The following EPC2 variants were observed in gnomAD, a reference collection of about 807,000 sequenced individuals.
EPC2 encodes the protein enhancer of polycomb homolog 2.
EPC2 carries 14 observed loss-of-function variants against 92.1 expected under a neutral mutation model. The observed-to-expected ratio is 0.15, with a 90% CI of 0.10 to 0.24. The LOEUF is 0.24. Ranked by LOEUF, EPC2 falls within the 10% of genes least tolerant of loss-of-function variation. The probability of loss-of-function intolerance (pLI) is 1.00; values close to 1 mark genes in which losing one functional copy is unlikely to be tolerated. For synonymous variants in EPC2, 340 were observed against 334.7 expected, an observed-to-expected ratio of 1.02 and a Z score of -0.17; for missense variants, 755 against 971.5, an observed-to-expected ratio of 0.78 and a Z score of 2.96.
chr2:148,756,799 T>A (rs1683198970), intron 4 of EPC2, among the ~76,000 whole-genome samples: 1 of 152,234 alleles, frequency 6.6e-6, no homozygotes. Flanking sequence ...GCGTAGTGGT[T>A]GTCAGTTCTA....
At chr2:148,772,027 G>A (rs1683532873) in intron 10 of EPC2, among the ~76,000 whole-genome samples, 1 of 152,072 alleles carries the variant, frequency 6.6e-6, no homozygotes, top group Non-Finnish European at 1.5e-5. Context: ...TCGAAATCCT[G>A]ACCTCAGGTG....
intron 10 of EPC2, 147 bp downstream of exon 10, chr2:148,771,534 G>T (rs1012238291): frequency 8.4e-6 from 6 of 712,386 alleles, no homozygotes; most frequent in Non-Finnish European, 1.4e-5. Flanking sequence ...TAACCAAATT[G>T]TCCTAACTAG....
At chr2:148,660,178 A>C (rs1378179348) in intron 1 of EPC2, among the ~76,000 whole-genome samples, 1 of 152,144 alleles carries the variant, frequency 6.6e-6, no homozygotes, top group African/African-American at 2.4e-5. Context: ...TTGTATGTGA[A>C]TAGGTCTATG....
At chr2:148,747,955 T>C (rs1200164490) in intron 3 of EPC2, among the ~76,000 whole-genome samples, 5 of 152,204 alleles carry the variant, frequency 3.3e-5, no homozygotes, top group Non-Finnish European at 7.4e-5. Context: ...CTCTCTGATA[T>C]GGTTTGGATT....
intron 3 of EPC2, among the ~76,000 whole-genome samples, chr2:148,748,406 T>C (rs1683027351): frequency 6.6e-6 from 1 of 152,098 alleles, no homozygotes; most frequent in Non-Finnish European, 1.5e-5. Flanking sequence ...ATTAATGATA[T>C]CATTTTCATC....
At chr2:148,757,417 T>C (rs1426733122) in intron 4 of EPC2, among the ~76,000 whole-genome samples, 1 of 152,132 alleles carries the variant, frequency 6.6e-6, no homozygotes, top group Non-Finnish European at 1.5e-5. Flanking sequence ...GAAATAGATA[T>C]AGATCTGTGC....
intron 1 of EPC2, among the ~76,000 whole-genome samples, chr2:148,667,916 G>A (rs1288107111): frequency 6.6e-6 from 1 of 152,068 alleles, no homozygotes; most frequent in African/African-American, 2.4e-5. Context: ...GTTGTTTTGA[G>A]ACGGAGTCTC....
intron 1 of EPC2, among the ~76,000 whole-genome samples, chr2:148,656,302 T>A (rs973551471): frequency 2.0e-5 from 3 of 152,156 alleles, no homozygotes; most frequent in African/African-American, 4.8e-5. Context: ...GGCAGTTTGG[T>A]TGTCAGCAAA....
In EPC2 at chr2:148,700,243, A is replaced by AT. The variant is rs1330980340; in HGVS notation, c.313+9877dup. On this transcript the variant is annotated intron_variant, in intron 2 of 13. Transcript: ENST00000258484. The stretch of plus-strand genomic sequence containing the variant: ...AATTTTAATGAAGTCCAGCTTAACA[A>AT]TTTTTTTACTTTCATGAATTATGTG... Among the ~76,000 whole-genome samples the AT allele has an allele frequency of 7.2e-5, 11 of 152,116 alleles. No homozygotes were observed. In the East Asian group the frequency reaches 1.2e-3, roughly 16 times the overall value.
chr2:148,670,329 C>T lies in EPC2; in HGVS notation c.154-19885C>T, dbSNP rs184291137. 2.1e-4 allele frequency among the ~76,000 whole-genome samples: 32 copies of T among 151,676 alleles called. 1 individual carries two copies. Among genetic ancestry groups the T allele is most frequent in the Non-Finnish European group, 4.1e-4 (28 of 67,920 alleles). On this transcript the variant is annotated intron_variant, in intron 1 of 13. Coordinates refer to ENST00000258484, the MANE Select transcript of EPC2 (RefSeq NM_015630.4). ...ATCAGGTGGAAGGGTGAATTTGGTC[C>T]ATGTTAACTCTTTTTTTTTTTTAAG... is the stretch of plus-strand genomic sequence containing the variant.
chr2:148,710,802 C>G (rs1470539032), intron 2 of EPC2, among the ~76,000 whole-genome samples: 1 of 152,030 alleles, frequency 6.6e-6, no homozygotes. Flanking sequence ...ACAATGGGAA[C>G]ACTTGGACAC....
At chr2:148,660,862 C>T (rs2105354742) in intron 1 of EPC2, among the ~76,000 whole-genome samples, 1 of 151,316 alleles carries the variant, frequency 6.6e-6, no homozygotes, top group African/African-American at 2.4e-5. Flanking sequence ...ATTTTGTTCC[C>T]TTTAAATTTT....
At chr2:148,700,071 G>C (rs548179402) in intron 2 of EPC2, among the ~76,000 whole-genome samples, 1 of 151,924 alleles carries the variant, frequency 6.6e-6, no homozygotes, top group Non-Finnish European at 1.5e-5. Context: ...TTCTTTATTG[G>C]ATTGCTTGTT....
chr2:148,693,254 C>A (rs1417868753), intron 2 of EPC2, among the ~76,000 whole-genome samples: 1 of 152,152 alleles, frequency 6.6e-6, no homozygotes, highest in African/African-American at 2.4e-5. Context: ...AATCCCCATT[C>A]ACTTGGCTAG....
At chr2:148,690,788 G>A (rs1157391611) in intron 2 of EPC2, among the ~76,000 whole-genome samples, 1 of 151,946 alleles carries the variant, frequency 6.6e-6, no homozygotes, top group Non-Finnish European at 1.5e-5. Context: ...TCAGCCTACT[G>A]AGTAGTTGGG....
chr2:148,702,927 G>A (rs549405995), intron 2 of EPC2, among the ~76,000 whole-genome samples: 69 of 152,080 alleles, frequency 4.5e-4, no homozygotes, highest in Non-Finnish European at 8.4e-4. Flanking sequence ...GCACAGGGAA[G>A]CCAAAAGATT....
chr2:148,648,131 C>T (rs1683841971), intron 1 of EPC2, among the ~76,000 whole-genome samples: 1 of 152,180 alleles, frequency 6.6e-6, no homozygotes, highest in South Asian at 2.1e-4. Context: ...TTAATACATG[C>T]TAAAAGTGGA....
chr2:148,679,468 T>C (rs1363891825), intron 1 of EPC2, among the ~76,000 whole-genome samples: 3 of 152,214 alleles, frequency 2.0e-5, no homozygotes, highest in Non-Finnish European at 4.4e-5. Context: ...AAACATTACA[T>C]AACTGCAAGG....
chr2:148,733,754 T>G (rs1304338331), intron 2 of EPC2, among the ~76,000 whole-genome samples: 2 of 152,110 alleles, frequency 1.3e-5, no homozygotes, highest in African/African-American at 4.8e-5. Context: ...CCTCCCAAAG[T>G]CCTGGGATTA....
Sources: allele counts gnomAD v4.1 joint callset (sites outside exome capture counted in the v4.1 genomes callset), GRCh38; gene constraint gnomAD v4.1.1; transcripts MANE v1.5; gene names NCBI Gene and HGNC (gene_info 2026-07-23, HGNC 2026-07-21).